The following SSH1 variants were observed in gnomAD, a reference collection of about 807,000 sequenced individuals.
SSH1 encodes the protein slingshot protein phosphatase 1.
SSH1 carries 43 observed loss-of-function variants against 79.7 expected under a neutral mutation model. That is an observed-to-expected ratio of 0.54 (90% CI 0.42 to 0.70). The LOEUF (loss-of-function observed/expected upper bound fraction) is 0.70. Among genes scored for constraint, SSH1 ranks in the 30% least tolerant of loss-of-function variants. The pLI is 0.00. For missense variants in SSH1, 1,206 were observed against 1,358.8 expected, an observed-to-expected ratio of 0.89 and a Z score of 1.77; for synonymous variants, 599 against 538.3, an observed-to-expected ratio of 1.11 and a Z score of -1.56.
At chr12:108,811,548 T>C (rs2037599395) in intron 5 of SSH1, 1 of 601,532 alleles carries the variant, frequency 1.7e-6, no homozygotes, top group African/African-American at 1.8e-5. Context: ...TTGGGTGCAG[T>C]GTGGGCTGAC....
chr12:108,810,342 T>C (rs1207559645), intron 6 of SSH1, among the ~76,000 whole-genome samples: 1 of 151,818 alleles, frequency 6.6e-6, no homozygotes, highest in African/African-American at 2.4e-5. Context: ...GCCAACATGG[T>C]GAAACCCCGT....
intron 3 of SSH1, among the ~76,000 whole-genome samples, chr12:108,822,282 C>A (rs916379967): frequency 3.3e-5 from 5 of 150,922 alleles, no homozygotes; most frequent in Admixed American, 1.3e-4. Context: ...TACAGGCATG[C>A]GCCACCACGC....
intron 1 of SSH1, among the ~76,000 whole-genome samples, chr12:108,855,310 A>G (rs2039121802): frequency 6.6e-6 from 1 of 152,212 alleles, no homozygotes; most frequent in Admixed American, 6.5e-5. Flanking sequence ...CAGAAAGTAG[A>G]TTAGTGGTTG....
At position 108,788,754 on chromosome 12, in the gene SSH1, T is replaced by C; in HGVS notation, c.2384A>G (p.Asn795Ser). Residue 795 changes from asparagine to serine, a missense_variant, in exon 15 of 15, where the codon AAT becomes AGT. By Grantham distance (46) the Asn-to-Ser change is conservative. Coordinates refer to ENST00000326495, the MANE Select transcript of SSH1 (RefSeq NM_018984.4). ...PAKDLRLLFS[N>S]ESEKPTTNSY... ...GTTGGTTGTCGGCTTCTCAGATTCA[T>C]TACTGAACAGAAGCCTCAGGTCCTT... 1 of 1,614,264 alleles carries C rather than the reference T, an allele frequency of 6.2e-7. No individual in the cohort carries two copies. Among genetic ancestry groups the C allele is most frequent in the Non-Finnish European group, 8.5e-7 (1 of 1,180,050 alleles).
At position 108,807,583 on chromosome 12, in the gene SSH1, G is replaced by A. The variant is rs752963393; in HGVS notation, c.731+50C>T. 1.3e-6 allele frequency: 2 copies of A among 1,583,772 alleles called. No homozygotes were observed. The highest frequency in any genetic ancestry group is 1.7e-5 in the Admixed American group (1 of 59,694). On this transcript the variant is annotated intron_variant, in intron 8 of 14. Coordinates refer to ENST00000326495, the MANE Select transcript of SSH1 (RefSeq NM_018984.4). This position sits in a 1 kb window ranked among gnomAD's most constrained non-coding sequence, Gnocchi z 5.2. ...CGGGCACAGGGCAGGTGGGGGAGAGGCAGGTGCCTGTGGGCTTGGGTGCGC... is the reference window on the plus strand; with the variant it reads ...CGGGCACAGGGCAGGTGGGGGAGAGACAGGTGCCTGTGGGCTTGGGTGCGC...
chr12:108,836,849 A>G, intron 2 of SSH1: 1 of 514,054 alleles, frequency 1.9e-6, no homozygotes, highest in South Asian at 1.4e-5. Flanking sequence ...TTCCAGCCAA[A>G]TACACGTGCC....
Position 108,788,894 on chromosome 12 carries a change from T to C in SSH1, c.2244A>G (p.Pro748=). 14 of 1,614,230 alleles carry C rather than the reference T, an allele frequency of 8.7e-6. No homozygotes were observed. Among genetic ancestry groups the C allele is most frequent in the Non-Finnish European group, 1.2e-5 (14 of 1,180,040 alleles). ...AAAGGAGGGACTTTGGCAGGACTTT[T>C]GGGGTCTCTCTGGAAGGTTCCAAAA... ...ASLLEPSRET[P]KVLPKSLLLK... is the part of the protein sequence containing the mutation. Residue 748 remains proline, a synonymous_variant, in exon 15 of 15, where the codon CCA becomes CCG. Transcript: ENST00000326495.
At chr12:108,794,274 A>G (rs556503836) in intron 13 of SSH1, among the ~76,000 whole-genome samples, 3 of 152,252 alleles carry the variant, frequency 2.0e-5, no homozygotes, top group East Asian at 3.9e-4. Context: ...TGGGCTTCCA[A>G]CTTGAGAGCC....
In SSH1 at chr12:108,783,998, C is replaced by T. The variant is rs1290431033; in HGVS notation, c.*3990G>A. 6.6e-6 allele frequency: 1 copy of T among 152,214 alleles called. No homozygotes were observed. The highest frequency in any genetic ancestry group is 1.5e-5 in the Non-Finnish European group (1 of 68,058). The allele number at this position is 152,214 out of a possible 1,614,324, so 9.4% of individuals were successfully genotyped here. A position where few individuals can be genotyped will look rare whatever the true frequency, so the allele number is the denominator to read the frequency against. On this transcript the variant is annotated 3_prime_UTR_variant, in exon 15 of 15. Coordinates refer to ENST00000326495, the MANE Select transcript of SSH1 (RefSeq NM_018984.4). ...GCTGAGTTGCGTGTTTAGAGGAGCC[C>T]TGCTAGGTGGCCAGCCAATGAGAAG...
intron 2 of SSH1, among the ~76,000 whole-genome samples, chr12:108,838,690 C>A (rs79720244): frequency 0.01 from 1,594 of 152,338 alleles, 29 homozygotes; most frequent in African/African-American, 0.036. Flanking sequence ...CATCAGCTCT[C>A]CCTGTTAAGA....
chr12:108,796,661 T>C lies in SSH1; in HGVS notation c.1349+2339A>G, dbSNP rs376125850. Reference sequence around the variant, plus strand: ...TGGATAATGTTGCTATAAGCACTAATGTACAAATATCTCTCCGAGACTCTG... The same window carrying C: ...TGGATAATGTTGCTATAAGCACTAACGTACAAATATCTCTCCGAGACTCTG... On this transcript the variant is annotated intron_variant, in intron 13 of 14. Coordinates refer to ENST00000326495, the MANE Select transcript of SSH1 (RefSeq NM_018984.4). Among the ~76,000 whole-genome samples, 9 of 152,354 alleles carry C rather than the reference T, an allele frequency of 5.9e-5. No individual in the cohort carries two copies. In the East Asian group the frequency reaches 1.5e-3, roughly 26 times the overall value.
At chr12:108,822,877 A>G (rs369213522) in intron 3 of SSH1, among the ~76,000 whole-genome samples, 1 of 152,190 alleles carries the variant, frequency 6.6e-6, no homozygotes, top group African/African-American at 2.4e-5. Flanking sequence ...ATCCATCCCA[A>G]GATTAGGTAT....
In SSH1 at chr12:108,809,326, G is replaced by A. The variant is rs553578931; in HGVS notation, c.536+367C>T. ...AGAAAAGTTAGCCGGGTGTGGTGGC[G>A]CATGCCTGTAGTCCCAGCTACTTGG... On this transcript the variant is annotated intron_variant, in intron 7 of 14. Coordinates refer to ENST00000326495, the MANE Select transcript of SSH1 (RefSeq NM_018984.4). Among the ~76,000 whole-genome samples the A allele has an allele frequency of 2.2e-4, 33 of 151,338 alleles. 1 individual carries two copies. The South Asian group carries it at 5.4e-3, about 25-fold the overall frequency.
intron 5 of SSH1, chr12:108,811,604 C>T (rs1294851759): frequency 1.8e-5 from 9 of 496,174 alleles, no homozygotes; most frequent in South Asian, 1.6e-4. Flanking sequence ...AGGGCTGGTG[C>T]TCTGCTGGCG....
At chr12:108,830,095 T>C (rs1225587257) in intron 2 of SSH1, among the ~76,000 whole-genome samples, 2 of 151,908 alleles carry the variant, frequency 1.3e-5, no homozygotes, top group East Asian at 1.9e-4. Context: ...AGACAGATCT[T>C]GTCTCCAGAA....
intron 2 of SSH1, among the ~76,000 whole-genome samples, chr12:108,828,266 T>G (rs556078088): frequency 1.3e-3 from 196 of 152,272 alleles, no homozygotes; most frequent in African/African-American, 4.5e-3. Context: ...CGATCCTCCC[T>G]ACGGATTAAG....
chr12:108,824,464 A>AAAAAG (rs1555236367), intron 2 of SSH1, among the ~76,000 whole-genome samples: 7 of 151,262 alleles, frequency 4.6e-5, no homozygotes, highest in South Asian at 4.2e-4. Context: ...CAAAAAAAAA[A>AAAAAG]AAAGAAAGAA....
rs531733008 is a variant in SSH1, at chr12:108,802,771, T to G, written c.955-403A>C. Reference sequence around the variant, plus strand: ...AAGCCACTAATTAAAGCAGGAATCGTTCTACCTTCTGGGAAGTATTTTGGC... The same window carrying G: ...AAGCCACTAATTAAAGCAGGAATCGGTCTACCTTCTGGGAAGTATTTTGGC... On this transcript the variant is annotated intron_variant, in intron 10 of 14. Transcript: ENST00000326495. Among the ~76,000 whole-genome samples the G allele has an allele frequency of 8.3e-4, 126 of 152,308 alleles. 2 individuals are homozygous for G. The highest frequency in any genetic ancestry group is 8.2e-3 in the Admixed American group (126 of 15,300).
At position 108,785,731 on chromosome 12, in the gene SSH1, T is replaced by C. The variant is rs1326434928; in HGVS notation, c.*2257A>G. Reference sequence around the variant, plus strand: ...CTTTCAAAATTAAAGTTTTCAAAAATATATCATTCTCATACATAGACGTGG... The same window carrying C: ...CTTTCAAAATTAAAGTTTTCAAAAACATATCATTCTCATACATAGACGTGG... On this transcript the variant is annotated 3_prime_UTR_variant, in exon 15 of 15. Transcript: ENST00000326495. 1 of 151,622 alleles carries C rather than the reference T, an allele frequency of 6.6e-6. No individual in the cohort carries two copies. The highest frequency in any genetic ancestry group is 1.5e-5 in the Non-Finnish European group (1 of 68,012). The allele number at this position is 151,622 out of a possible 1,614,324, so 9.4% of individuals were successfully genotyped here.
Sources: gnomAD v4.1 joint callset for allele counts (sites outside exome capture counted in the v4.1 genomes callset) on GRCh38, gnomAD v4.1.1 for gene constraint, Gnocchi (gnomAD v3.1) non-coding constraint, MANE v1.5 for transcripts, NCBI Gene and HGNC (gene_info 2026-07-23, HGNC 2026-07-21) for gene names.